Variants in NREP observed in about 807,000 individuals in gnomAD.
NREP encodes neuronal regeneration-related protein.
A neutral mutation model predicts 8.6 loss-of-function variants in NREP; 5 were observed. The ratio of observed to expected loss-of-function variants is 0.58; its 90% CI spans 0.30 to 1.22. NREP has a LOEUF of 1.22. Ranked by LOEUF, NREP falls within the 50% of genes most tolerant of loss-of-function variation. NREP has a pLI of 0.07. For synonymous variants in NREP, 27 were observed against 28.0 expected, an observed-to-expected ratio of 0.96 and a Z score of 0.11; for missense variants, 86 against 82.5, an observed-to-expected ratio of 1.04 and a Z score of -0.17.
intron 2 of NREP, among the ~76,000 whole-genome samples, chr5:111,819,107 T>C (rs1752458547): frequency 6.6e-6 from 1 of 152,178 alleles, no homozygotes; most frequent in Admixed American, 6.5e-5. Flanking sequence ...TTTACCTGCT[T>C]GCCTCTAGTT....
At chr5:111,854,009 C>G (rs1483437332) in intron 2 of NREP, among the ~76,000 whole-genome samples, 1 of 152,036 alleles carries the variant, frequency 6.6e-6, no homozygotes, top group African/African-American at 2.4e-5. Flanking sequence ...TTGGGAAAAC[C>G]ATACAGGAAA....
chr5:111,825,919 C>T (rs1752611649), intron 2 of NREP, among the ~76,000 whole-genome samples: 2 of 151,372 alleles, frequency 1.3e-5, no homozygotes, highest in African/African-American at 4.9e-5. Flanking sequence ...ACTCTAACTG[C>T]AAGGGAGTGT....
At chr5:111,798,960 C>G (rs1291663968) in intron 2 of NREP, among the ~76,000 whole-genome samples, 1 of 152,166 alleles carries the variant, frequency 6.6e-6, no homozygotes, top group African/African-American at 2.4e-5. Flanking sequence ...ATTGCTAGAT[C>G]AAACGGTAGA....
rs534874560 is a variant in NREP at position 111,751,228 on chromosome 5, T to C, written c.3+4542A>G. On this transcript the variant is annotated intron_variant, in intron 2 of 3. Coordinates refer to ENST00000257435, the MANE Select transcript of NREP (RefSeq NM_004772.4). Reference sequence around the variant, plus strand: ...AGTTGAGCAAGGAAAGAAATGCATATGATCCAACTAACAAATAATCGCACC... The same window carrying C: ...AGTTGAGCAAGGAAAGAAATGCATACGATCCAACTAACAAATAATCGCACC... Among the ~76,000 whole-genome samples, 4 of 152,324 alleles carry C rather than the reference T, an allele frequency of 2.6e-5. No individual in the cohort carries two copies. The East Asian group carries it at 5.8e-4, about 22-fold the overall frequency.
At chr5:111,742,091 T>G (rs1489006685) in intron 2 of NREP, among the ~76,000 whole-genome samples, 1 of 152,148 alleles carries the variant, frequency 6.6e-6, no homozygotes, top group Non-Finnish European at 1.5e-5. Context: ...GCTCACTAAT[T>G]GGTTAAACCC....
At chr5:111,931,843 GATAA>G (rs1334849531) in intron 2 of NREP, among the ~76,000 whole-genome samples, 1 of 151,968 alleles carries the variant, frequency 6.6e-6, no homozygotes, top group Admixed American at 6.6e-5. Flanking sequence ...TGCTCTTTGA[GATAA>G]ATAGATATCT....
upstream of NREP, among the ~76,000 whole-genome samples, chr5:111,760,313 C>T (rs1750932618): frequency 6.6e-6 from 1 of 152,158 alleles, no homozygotes; most frequent in Non-Finnish European, 1.5e-5. Flanking sequence ...ACCACTAGCT[C>T]TAACAATCAG....
intron 2 of NREP, chr5:111,949,053 G>GA: frequency 6.6e-6 from 1 of 151,956 alleles, no homozygotes; most frequent in Non-Finnish European, 1.5e-5. Context: ...ACAAATAAAG[G>GA]AAAAAACAAA....
intron 2 of NREP, among the ~76,000 whole-genome samples, chr5:111,956,378 G>A (rs535892382): frequency 1.4e-4 from 22 of 151,774 alleles, no homozygotes; most frequent in Middle Eastern, 3.4e-3. Flanking sequence ...TTATGAAACC[G>A]ACAGAGTTGT....
intron 2 of NREP, among the ~76,000 whole-genome samples, chr5:111,973,346 C>T (rs1430791754): frequency 6.6e-5 from 10 of 152,176 alleles, no homozygotes; most frequent in Admixed American, 6.5e-4. Flanking sequence ...CTCTTATCCA[C>T]ACGCAACACT....
chr5:111,882,298 T>C (rs1240666681), intron 2 of NREP, among the ~76,000 whole-genome samples: 1 of 152,022 alleles, frequency 6.6e-6, no homozygotes, highest in Non-Finnish European at 1.5e-5. Context: ...TAAAAAGAAA[T>C]GAACAAAGCC....
At chr5:111,866,853 G>A (rs374153951) in intron 2 of NREP, among the ~76,000 whole-genome samples, 1 of 152,030 alleles carries the variant, frequency 6.6e-6, no homozygotes, top group Non-Finnish European at 1.5e-5. Flanking sequence ...TAGGGACATG[G>A]ATGAAGCTGG....
At chr5:111,965,785 C>T (rs1195156564) in intron 2 of NREP, among the ~76,000 whole-genome samples, 1 of 152,086 alleles carries the variant, frequency 6.6e-6, no homozygotes, top group Non-Finnish European at 1.5e-5. Flanking sequence ...TCTCCAATAC[C>T]TCATAAATGT....
chr5:111,794,773 G>C (rs1372061767), intron 2 of NREP, among the ~76,000 whole-genome samples: 2 of 152,122 alleles, frequency 1.3e-5, no homozygotes, highest in Admixed American at 6.5e-5. Flanking sequence ...TTACACATTT[G>C]TCTATATCCG....
intron 2 of NREP, among the ~76,000 whole-genome samples, chr5:111,964,936 G>T (rs9791002): frequency 3.0e-5 from 2 of 66,856 alleles, no homozygotes; most frequent in African/African-American, 1.0e-4. Flanking sequence ...TAAACAATAA[G>T]AACATTTACT....
intron 2 of NREP, among the ~76,000 whole-genome samples, chr5:111,913,409 T>C (rs935674292): frequency 6.6e-6 from 1 of 152,088 alleles, no homozygotes; most frequent in Non-Finnish European, 1.5e-5. Flanking sequence ...AATCTAGCTG[T>C]TTCCTAGCAG....
At chr5:111,914,714 T>C (rs557821591) in intron 2 of NREP, among the ~76,000 whole-genome samples, 7 of 152,250 alleles carry the variant, frequency 4.6e-5, no homozygotes, top group Non-Finnish European at 2.9e-5. Flanking sequence ...TCAGTGTTAA[T>C]GTTTGTGACG....
chr5:111,855,139 C>T (rs954394287), intron 2 of NREP, among the ~76,000 whole-genome samples: 1 of 151,958 alleles, frequency 6.6e-6, no homozygotes, highest in African/African-American at 2.4e-5. Flanking sequence ...TAAATTGTTC[C>T]AGAAAGTGTC....
At chr5:111,833,516 A>T (rs930990426) in intron 2 of NREP, among the ~76,000 whole-genome samples, 9 of 152,230 alleles carry the variant, frequency 5.9e-5, no homozygotes, top group African/African-American at 2.2e-4. Flanking sequence ...CCTCAGGCCA[A>T]GCAATTTAGG....
Sources: allele counts gnomAD v4.1 joint callset (sites outside exome capture counted in the v4.1 genomes callset), GRCh38; gene constraint gnomAD v4.1.1; transcripts MANE v1.5; gene names NCBI Gene and HGNC (gene_info 2026-07-23, HGNC 2026-07-21).